MFHAS1: variants seen among roughly 807,000 people sequenced by gnomAD.
The protein encoded by MFHAS1 is multifunctional ROCO family signaling regulator 1.
MFHAS1 carries 50 observed loss-of-function variants against 70.4 expected under a neutral mutation model. That is an observed-to-expected ratio of 0.71 (90% CI 0.57 to 0.90). The LOEUF is 0.90. Among genes scored for constraint, MFHAS1 ranks in the 40% least tolerant of loss-of-function variants. The probability of loss-of-function intolerance (pLI) is 0.00; values close to 1 mark genes in which losing one functional copy is unlikely to be tolerated. For synonymous variants in MFHAS1, 952 were observed against 620.0 expected, an observed-to-expected ratio of 1.54 and a Z score of -7.96; for missense variants, 1,795 against 1,347.6, an observed-to-expected ratio of 1.33 and a Z score of -5.20.
At chr8:8,878,274 G>C (rs1440891770) in intron 1 of MFHAS1, among the ~76,000 whole-genome samples, 2 of 152,212 alleles carry the variant, frequency 1.3e-5, no homozygotes, top group African/African-American at 4.8e-5. Context: ...CGGTGGGTCA[G>C]AGCAGAGGTT....
rs1166070417 is a variant in MFHAS1 at position 8,798,204 on chromosome 8, A to G, written c.2999-713T>C. ...ATCTCTAAAAGCAGTGATGACTTCC[A>G]TTCTCTCATCCATATACCCAGGGCA... On this transcript the variant is annotated intron_variant, in intron 1 of 2. Coordinates refer to ENST00000276282, the MANE Select transcript of MFHAS1 (RefSeq NM_004225.3). 2.6e-5 allele frequency among the ~76,000 whole-genome samples: 4 copies of G among 152,240 alleles called. No individual in the cohort carries two copies. In the South Asian group the frequency reaches 6.2e-4, roughly 24 times the overall value.
rs1805444654 is a variant in MFHAS1, at chr8:8,783,865, G to C, written c.*2157C>G. On this transcript the variant is annotated 3_prime_UTR_variant, in exon 3 of 3. Coordinates refer to ENST00000276282, the MANE Select transcript of MFHAS1 (RefSeq NM_004225.3). ...GTATCTCCAACCCTCCTCCCAACTTGAAACAAATTCTCAAGCTTCTCTGGA... is the reference window on the plus strand; with the variant it reads ...GTATCTCCAACCCTCCTCCCAACTTCAAACAAATTCTCAAGCTTCTCTGGA... 6.6e-6 allele frequency: 1 copy of C among 152,232 alleles called. No homozygotes were observed. The highest frequency in any genetic ancestry group is 1.5e-5 in the Non-Finnish European group (1 of 68,032). 9.4% of individuals were successfully genotyped at this position (152,232 alleles called of 1,614,324 possible). A position where few individuals can be genotyped will look rare whatever the true frequency, so the allele number is the denominator to read the frequency against.
chr8:8,882,003 G>A (rs975077338), intron 1 of MFHAS1, among the ~76,000 whole-genome samples: 12 of 152,078 alleles, frequency 7.9e-5, no homozygotes, highest in South Asian at 2.1e-4. Context: ...AGAATTAGGC[G>A]GTAGATATGG....
intron 2 of MFHAS1, among the ~76,000 whole-genome samples, chr8:8,788,411 G>C (rs1805622741): frequency 6.6e-6 from 1 of 152,262 alleles, no homozygotes; most frequent in South Asian, 2.1e-4. Context: ...AGGTGCGGCA[G>C]CTCATGCCTG....
rs756057812 is a variant in MFHAS1 at position 8,785,983 on chromosome 8, T to A, written c.*39A>T. ...GCAAAAGATGGTCCAGGTGTTCAGA[T>A]GCTCTCTTTTCTCCATGGAAATTCC... On this transcript the variant is annotated 3_prime_UTR_variant, in exon 3 of 3. Transcript: ENST00000276282. The A allele has an allele frequency of 4.3e-6, 7 of 1,610,538 alleles. No individual in the cohort carries two copies. The highest frequency in any genetic ancestry group is 3.3e-5 in the Admixed American group (2 of 59,972).
Position 8,892,859 on chromosome 8 carries a change from G to A in MFHAS1, c.200C>T (p.Ala67Val). 6.3e-7 allele frequency: 1 copy of A among 1,596,090 alleles called. No individual in the cohort carries two copies. Among genetic ancestry groups the A allele is most frequent in the Non-Finnish European group, 8.5e-7 (1 of 1,172,174 alleles). Reference sequence around the variant, plus strand: ...CAGGCCGTTGTTCCCCAGGTTCAGTGCCTCAATGTCCCCGAGGTTGGCCGG... The same window carrying A: ...CAGGCCGTTGTTCCCCAGGTTCAGTACCTCAATGTCCCCGAGGTTGGCCGG... Reference protein sequence around the residue: ...VLPANLGDIEALNLGNNGLEE... With the variant: ...VLPANLGDIEVLNLGNNGLEE... The change falls in exon 1 of 3, where the codon GCA becomes GTA. Residue 67 changes from alanine (A) to valine (V), a missense_variant. Physicochemically the swap from Ala to Val is moderately conservative, Grantham distance 64 (BLOSUM62 0). Transcript: ENST00000276282. The surrounding 1 kb of genome is among the most constrained non-coding windows in gnomAD (Gnocchi z 4.7).
chr8:8,844,545 T>C (rs1807956525), intron 1 of MFHAS1, among the ~76,000 whole-genome samples: 1 of 152,200 alleles, frequency 6.6e-6, no homozygotes, highest in South Asian at 2.1e-4. Context: ...ACAACTGGCG[T>C]GCTCTAATTC....
At chr8:8,880,421 G>A (rs1809473843) in intron 1 of MFHAS1, among the ~76,000 whole-genome samples, 1 of 152,132 alleles carries the variant, frequency 6.6e-6, no homozygotes, top group African/African-American at 2.4e-5. Flanking sequence ...CACTCAATAG[G>A]AGGAAGAGGA....
At chr8:8,824,583 TCAG>T (rs1356020627) in intron 1 of MFHAS1, among the ~76,000 whole-genome samples, 1 of 149,082 alleles carries the variant, frequency 6.7e-6, no homozygotes, top group African/African-American at 2.5e-5. Flanking sequence ...TTCTGCTCCA[TCAG>T]AAGAAGAAAA....
chr8:8,809,569 G>C (rs1806470243), intron 1 of MFHAS1, among the ~76,000 whole-genome samples: 1 of 152,130 alleles, frequency 6.6e-6, no homozygotes, highest in African/African-American at 2.4e-5. Flanking sequence ...TGTGCCACTT[G>C]GCTCCATTTT....
chr8:8,856,297 G>C (rs763491631), intron 1 of MFHAS1, among the ~76,000 whole-genome samples: 5 of 152,208 alleles, frequency 3.3e-5, no homozygotes, highest in Admixed American at 1.3e-4. Flanking sequence ...GAGCTCACTC[G>C]AGTGTCTTTC....
At chr8:8,871,126 A>C (rs1809059833) in intron 1 of MFHAS1, among the ~76,000 whole-genome samples, 1 of 152,184 alleles carries the variant, frequency 6.6e-6, no homozygotes, top group Non-Finnish European at 1.5e-5. Context: ...TCCTGAGGAC[A>C]ACCTGGGCTC....
intron 2 of MFHAS1, among the ~76,000 whole-genome samples, chr8:8,787,274 G>GT (rs1805583532): frequency 1.3e-5 from 2 of 152,054 alleles, no homozygotes; most frequent in South Asian, 4.2e-4. Context: ...TAGAGATGGG[G>GT]TTTCACCATG....
At chr8:8,817,558 C>T (rs533627248) in intron 1 of MFHAS1, among the ~76,000 whole-genome samples, 2 of 152,212 alleles carry the variant, frequency 1.3e-5, no homozygotes, top group Non-Finnish European at 2.9e-5. Context: ...CGAGTGCTGC[C>T]GCAGTGCCCC....
In MFHAS1 at chr8:8,892,546, C is replaced by A; in HGVS notation, c.513G>T (p.Ala171=). The change falls in exon 1 of 3, where the codon GCG becomes GCT. Residue 171 remains alanine (A), a synonymous_variant. Coordinates refer to ENST00000276282, the MANE Select transcript of MFHAS1 (RefSeq NM_004225.3). This position sits in a 1 kb window ranked among gnomAD's most constrained non-coding sequence, Gnocchi z 4.7. The part of the protein sequence containing the change: ...EELDVSFNRL[A]HLPDSLSCLS... ...GGCAGGAGAGGGAGTCAGGCAGGTG[C>A]GCCAGCCGGTTAAAGCTGACATCCA... The A allele has an allele frequency of 6.3e-7, 1 of 1,597,174 alleles. No homozygotes were observed. The highest frequency in any genetic ancestry group is 1.1e-5 in the South Asian group (1 of 89,320).
At chr8:8,860,309 G>C (rs1409291197) in intron 1 of MFHAS1, among the ~76,000 whole-genome samples, 1 of 152,138 alleles carries the variant, frequency 6.6e-6, no homozygotes, top group African/African-American at 2.4e-5. Context: ...AATCTCATCT[G>C]ACTGCTAGGT....
intron 1 of MFHAS1, among the ~76,000 whole-genome samples, chr8:8,853,985 C>G (rs1176478615): frequency 6.6e-6 from 1 of 152,288 alleles, no homozygotes; most frequent in South Asian, 2.1e-4. Context: ...AGACACCAAC[C>G]AACTCCATGA....
intron 1 of MFHAS1, among the ~76,000 whole-genome samples, chr8:8,888,706 G>A (rs981305211): frequency 6.6e-6 from 1 of 152,122 alleles, no homozygotes; most frequent in Non-Finnish European, 1.5e-5. Flanking sequence ...GGGTTGGGGG[G>A]AATGAATTGG....
chr8:8,811,301 C>T (rs999097231), intron 1 of MFHAS1, among the ~76,000 whole-genome samples: 7 of 147,286 alleles, frequency 4.8e-5, no homozygotes, highest in South Asian at 2.2e-4. Context: ...TAATTGCAAA[C>T]CAGAATAAAA....
Sources: allele counts gnomAD v4.1 joint callset (sites outside exome capture counted in the v4.1 genomes callset), GRCh38; gene constraint gnomAD v4.1.1; non-coding constraint Gnocchi (gnomAD v3.1); transcripts MANE v1.5; gene names NCBI Gene and HGNC (gene_info 2026-07-23, HGNC 2026-07-21).